Variants in FANK1 observed in about 807,000 individuals in gnomAD.
FANK1 encodes fibronectin type 3 and ankyrin repeat domains protein 1.
Under a neutral mutation model 45.3 loss-of-function variants are expected in FANK1, and 44 were observed. The ratio of observed to expected loss-of-function variants is 0.97; its 90% CI spans 0.76 to 1.25. The LOEUF (loss-of-function observed/expected upper bound fraction) is 1.25. Among genes scored for constraint, FANK1 ranks in the 50% most tolerant of loss-of-function variants. FANK1 has a pLI of 0.00. For synonymous variants in FANK1, 149 were observed against 152.5 expected (o/e 0.98, Z 0.17); for missense variants, 391 against 424.4 (o/e 0.92, Z 0.69).
chr10:125,929,944 G>A (rs1295289495), intron 1 of FANK1, among the ~76,000 whole-genome samples: 1 of 152,182 alleles, frequency 6.6e-6, no homozygotes, highest in African/African-American at 2.4e-5. Context: ...GCTGAAGTGT[G>A]AATTGGCCTG....
intron 1 of FANK1, among the ~76,000 whole-genome samples, chr10:125,940,574 G>A (rs1283759417): frequency 6.6e-6 from 1 of 152,142 alleles, no homozygotes; most frequent in South Asian, 2.1e-4. Context: ...GTTCCCAGGG[G>A]CACGCAGGAG....
chr10:125,922,995 TTTGG>T (rs914488802), intron 1 of FANK1, among the ~76,000 whole-genome samples: 5 of 152,058 alleles, frequency 3.3e-5, no homozygotes, highest in African/African-American at 9.7e-5. Flanking sequence ...GTTTTTTTTG[TTTGG>T]TTGGTTGGTT....
At chr10:125,952,256 T>C (rs1274885881) in intron 1 of FANK1, among the ~76,000 whole-genome samples, 3 of 152,324 alleles carry the variant, frequency 2.0e-5, no homozygotes, top group Middle Eastern at 3.4e-3. Context: ...AGTATCTTTC[T>C]TGACAGGTGA....
intron 1 of FANK1, among the ~76,000 whole-genome samples, chr10:125,946,968 TAAAGA>T (rs1365014696): frequency 6.9e-6 from 1 of 145,278 alleles, no homozygotes; most frequent in Non-Finnish European, 1.5e-5. Flanking sequence ...TCAACATTCT[TAAAGA>T]AAAGAATTTT....
At chr10:125,980,071 C>A in intron 1 of FANK1, 90 bp from the exon 2 acceptor site, 3 of 1,360,704 alleles carry the variant, frequency 2.2e-6, no homozygotes, top group Non-Finnish European at 2.0e-6. Flanking sequence ...AGAAAAATAG[C>A]TCGATCACCA....
At chr10:125,989,589 G>A in intron 3 of FANK1, 1 of 681,626 alleles carries the variant, frequency 1.5e-6, no homozygotes, top group South Asian at 1.7e-5. Flanking sequence ...GGCATGAGGG[G>A]ACAGGATCTG....
intron 1 of FANK1, among the ~76,000 whole-genome samples, chr10:125,898,012 A>AG (rs1944708160): frequency 7.9e-6 from 1 of 126,186 alleles, no homozygotes; most frequent in Non-Finnish European, 1.7e-5. Flanking sequence ...AAAAAAAAAA[A>AG]AAAAAAAAAA....
intron 2 of FANK1, among the ~76,000 whole-genome samples, chr10:125,987,494 G>A (rs556804602): frequency 1.3e-5 from 2 of 151,772 alleles, no homozygotes; most frequent in East Asian, 3.9e-4. Context: ...ACTGGATTAA[G>A]TGTTGAAGCA....
At chr10:125,902,708 G>C (rs1307501367) in intron 1 of FANK1, among the ~76,000 whole-genome samples, 1 of 152,006 alleles carries the variant, frequency 6.6e-6, no homozygotes, top group Non-Finnish European at 1.5e-5. Context: ...CTTATTTTTT[G>C]GACCAAGCGG....
At chr10:125,958,536 C>T (rs984438611) in intron 1 of FANK1, among the ~76,000 whole-genome samples, 1 of 152,134 alleles carries the variant, frequency 6.6e-6, no homozygotes, top group Non-Finnish European at 1.5e-5. Context: ...CCATGCCAAG[C>T]CTTTTGTAGT....
intron 1 of FANK1, among the ~76,000 whole-genome samples, chr10:125,951,260 A>G (rs1949208644): frequency 6.6e-6 from 1 of 152,080 alleles, no homozygotes; most frequent in Non-Finnish European, 1.5e-5. Flanking sequence ...AGAACAAAAC[A>G]ACCAATATGT....
Position 125,909,450 on chromosome 10 carries a change from A to G in FANK1, c.13+12795A>G, listed in dbSNP as rs577225552. Among the ~76,000 whole-genome samples the G allele has an allele frequency of 2.7e-5, 4 of 149,136 alleles. No individual in the cohort carries two copies. The South Asian group carries it at 6.3e-4, about 24-fold the overall frequency. ...TATCCTTATTATTTCCATCATTTTA[A>G]TTTCATTCGGCTTAATTTGCTGGGA... On this transcript the variant is annotated intron_variant, in intron 1 of 10. Transcript: ENST00000368693.
chr10:125,967,244 C>T (rs904750329), intron 1 of FANK1, among the ~76,000 whole-genome samples: 3 of 152,150 alleles, frequency 2.0e-5, no homozygotes, highest in Non-Finnish European at 2.9e-5. Flanking sequence ...GTTAAGGGCA[C>T]GCCGCTGGAG....
intron 1 of FANK1, among the ~76,000 whole-genome samples, chr10:125,961,842 G>A (rs1057473959): frequency 2.0e-5 from 3 of 152,168 alleles, no homozygotes; most frequent in African/African-American, 7.2e-5. Flanking sequence ...TACTCAGGGA[G>A]CTCAGGCAGG....
intron 1 of FANK1, among the ~76,000 whole-genome samples, chr10:125,898,724 G>A (rs1308384999): frequency 6.6e-6 from 1 of 152,042 alleles, no homozygotes; most frequent in African/African-American, 2.4e-5. Flanking sequence ...TGTGAGAAAT[G>A]TATTACTTAT....
intron 1 of FANK1, among the ~76,000 whole-genome samples, chr10:125,907,166 CT>C (rs1945593746): frequency 6.6e-6 from 1 of 152,130 alleles, no homozygotes; most frequent in South Asian, 2.1e-4. Flanking sequence ...ACTTACCAGC[CT>C]TTTAATCTAA....
intron 7 of FANK1, among the ~76,000 whole-genome samples, chr10:126,007,683 G>T (rs1037079972): frequency 1.1e-5 from 1 of 89,432 alleles, no homozygotes; most frequent in African/African-American, 3.4e-5. Flanking sequence ...TGGTATGCGT[G>T]TGTGCACACA....
intron 4 of FANK1, among the ~76,000 whole-genome samples, chr10:125,995,820 GC>G (rs1305917344): frequency 2.0e-5 from 3 of 152,160 alleles, no homozygotes; most frequent in Non-Finnish European, 1.5e-5. Context: ...ACCCCCAAAT[GC>G]CCACATCTAA....
chr10:125,918,585 A>AAAAAAAAC (rs1554913277), intron 1 of FANK1, among the ~76,000 whole-genome samples: 1 of 70,976 alleles, frequency 1.4e-5, no homozygotes, highest in African/African-American at 7.9e-5. Flanking sequence ...AAAAAAAAAA[A>AAAAAAAAC]ATATATATAT....
Sources: allele counts gnomAD v4.1 joint callset (sites outside exome capture counted in the v4.1 genomes callset), GRCh38; gene constraint gnomAD v4.1.1; transcripts MANE v1.5; gene names NCBI Gene and HGNC (gene_info 2026-07-23, HGNC 2026-07-21).